Variants in CCDC91 observed in about 807,000 individuals in gnomAD.
CCDC91 encodes coiled-coil domain containing 91, also known as coiled-coil domain-containing protein 91.
A neutral mutation model predicts 63.2 loss-of-function variants in CCDC91; 48 were observed. That is an observed-to-expected ratio of 0.76 (90% CI 0.60 to 0.97). CCDC91 has a LOEUF of 0.97. Among genes scored for constraint, CCDC91 ranks in the 50% least tolerant of loss-of-function variants. The pLI is 0.00. For synonymous variants in CCDC91, 167 were observed against 165.8 expected (o/e 1.01, Z -0.06); for missense variants, 500 against 494.6 (o/e 1.01, Z -0.10).
chr12:28,447,477 A>G (rs1949558937), intron 8 of CCDC91, among the ~76,000 whole-genome samples: 1 of 151,530 alleles, frequency 6.6e-6, no homozygotes, highest in Non-Finnish European at 1.5e-5. Flanking sequence ...ATCAAAATAC[A>G]TTGTATTGAA....
intron 8 of CCDC91, among the ~76,000 whole-genome samples, chr12:28,393,389 T>C (rs537652118): frequency 5.3e-4 from 81 of 152,152 alleles, no homozygotes; most frequent in African/African-American, 1.9e-3. Context: ...ATTTTTTTTT[T>C]TTTTACTAGC....
At chr12:28,202,795 A>G (rs1413853399) in intron 1 of CCDC91, among the ~76,000 whole-genome samples, 2 of 152,240 alleles carry the variant, frequency 1.3e-5, no homozygotes, top group Non-Finnish European at 2.9e-5. Context: ...GATCTTATCA[A>G]AATCCCCTAT....
At position 28,390,710 on chromosome 12, in the gene CCDC91, CT is replaced by C. The variant is rs150763069; in HGVS notation, c.655-592del. On this transcript the variant is annotated intron_variant, in intron 7 of 12. Coordinates refer to ENST00000536442, the MANE Select transcript of CCDC91 (RefSeq NM_018318.5). ...TTTTTATGCGTACTGCCTTGAGACT[CT>C]TGACTTACCTACTTTGACTTATACC... Among the ~76,000 whole-genome samples, 1,402 of 152,174 alleles carry C rather than the reference CT, an allele frequency of 9.2e-3. 26 individuals are homozygous for C. The highest frequency in any genetic ancestry group is 0.032 in the African/African-American group (1,332 of 41,530).
At position 28,303,545 on chromosome 12, in the gene CCDC91, A is replaced by G. The variant is rs527334257; in HGVS notation, c.110-2104A>G. Among the ~76,000 whole-genome samples, 188 of 152,288 alleles carry G rather than the reference A, an allele frequency of 1.2e-3. 1 individual carries two copies. Among genetic ancestry groups the G allele is most frequent in the African/African-American group, 4.4e-3 (184 of 41,564 alleles). ...ATAAATATGAGTAACATAAATAAATATTAAAATAGGTGTTAGATCAGAATG... is the reference window on the plus strand; with the variant it reads ...ATAAATATGAGTAACATAAATAAATGTTAAAATAGGTGTTAGATCAGAATG... On this transcript the variant is annotated intron_variant, in intron 3 of 12. Transcript: ENST00000536442.
intron 8 of CCDC91, among the ~76,000 whole-genome samples, chr12:28,416,874 A>G (rs1041865788): frequency 2.0e-5 from 3 of 152,190 alleles, no homozygotes; most frequent in African/African-American, 7.2e-5. Context: ...ATGTAGTATT[A>G]TGTATATGAA....
At chr12:28,255,747 A>AT (rs1946402949) in intron 1 of CCDC91, 1 of 152,064 alleles carries the variant, frequency 6.6e-6, no homozygotes, top group Non-Finnish European at 1.5e-5. Context: ...CTAAATATAT[A>AT]TTTTTTAGTG....
chr12:28,432,324 G>A (rs576593966), intron 8 of CCDC91, among the ~76,000 whole-genome samples: 1 of 152,176 alleles, frequency 6.6e-6, no homozygotes, highest in East Asian at 1.9e-4. Flanking sequence ...TGTTGAGGGA[G>A]GGACCTGATC....
At chr12:28,545,470 A>G (rs980962936) in intron 12 of CCDC91, among the ~76,000 whole-genome samples, 9 of 152,212 alleles carry the variant, frequency 5.9e-5, no homozygotes, top group East Asian at 3.9e-4. Context: ...TCTATGTACT[A>G]TGCCCAAGAA....
chr12:28,305,683 G>A lies in CCDC91; in HGVS notation c.144G>A (p.Glu48=). The change falls in exon 4 of 13, where the codon GAG becomes GAA. Residue 48 remains glutamate, a synonymous_variant. Transcript: ENST00000536442. ...SGVHLSPSSP[E]IVLDRDHSSS... ...TCCATCTTTCACCATCTTCTCCTGA[G>A]ATTGTACTGGACCGTGACCACTCTT... 1 of 1,612,642 alleles carries A rather than the reference G, an allele frequency of 6.2e-7. No individual in the cohort carries two copies.
At chr12:28,379,454 A>C (rs1396758249) in intron 7 of CCDC91, among the ~76,000 whole-genome samples, 3 of 141,618 alleles carry the variant, frequency 2.1e-5, no homozygotes, top group Admixed American at 1.4e-4. Flanking sequence ...CAAATTTACA[A>C]AAAAAAAAAA....
intron 11 of CCDC91, among the ~76,000 whole-genome samples, chr12:28,471,230 A>G (rs964625236): frequency 6.6e-6 from 1 of 152,234 alleles, no homozygotes; most frequent in Non-Finnish European, 1.5e-5. Flanking sequence ...TGTGCAAATT[A>G]TGAAGACTCA....
intron 3 of CCDC91, 23 bp downstream of exon 3, chr12:28,259,465 GTT>G (rs79131127): frequency 1.5e-3 from 1,725 of 1,137,710 alleles, no homozygotes; most frequent in East Asian, 2.8e-3. Flanking sequence ...AGGAATTAGG[GTT>G]TTTTTTTTTT....
At chr12:28,201,572 C>T (rs34675139) in intron 1 of CCDC91, among the ~76,000 whole-genome samples, 5 of 145,284 alleles carry the variant, frequency 3.4e-5, no homozygotes, top group South Asian at 2.2e-4. Flanking sequence ...GGGCTCCTCA[C>T]GTCCCAGGCG....
At position 28,388,649 on chromosome 12, in the gene CCDC91, A is replaced by G. The variant is rs1467427075; in HGVS notation, c.655-2655A>G. On this transcript the variant is annotated intron_variant, in intron 7 of 12. Coordinates refer to ENST00000536442, the MANE Select transcript of CCDC91 (RefSeq NM_018318.5). ...ATACATCCCATGCTCGTGGAAGGGT[A>G]GAATCAATATTGTGAAAATGACCAT... 3.3e-5 allele frequency among the ~76,000 whole-genome samples: 5 copies of G among 152,222 alleles called. 1 individual carries two copies. The East Asian group carries it at 9.6e-4, about 29-fold the overall frequency.
intron 1 of CCDC91, among the ~76,000 whole-genome samples, chr12:28,209,861 C>G (rs1943109974): frequency 6.6e-6 from 1 of 152,206 alleles, no homozygotes; most frequent in African/African-American, 2.4e-5. Context: ...TACCAAAACA[C>G]ATTTCATTCT....
intron 7 of CCDC91, among the ~76,000 whole-genome samples, chr12:28,369,258 G>A (rs1944460536): frequency 6.6e-6 from 1 of 152,150 alleles, no homozygotes; most frequent in Non-Finnish European, 1.5e-5. Context: ...ATTGGTAAAT[G>A]CTCCCATTCA....
intron 12 of CCDC91, among the ~76,000 whole-genome samples, chr12:28,503,564 A>G (rs11613982): frequency 0.21 from 31,657 of 152,022 alleles, 4,317 homozygotes; most frequent in Non-Finnish European, 0.31. Flanking sequence ...TTACCATTTG[A>G]CCCAGCAATC....
At chr12:28,266,087 G>A (rs1266944223) in intron 3 of CCDC91, among the ~76,000 whole-genome samples, 7 of 151,888 alleles carry the variant, frequency 4.6e-5, no homozygotes, top group Non-Finnish European at 7.4e-5. Flanking sequence ...TAAAAATGAC[G>A]CCTAAAATGA....
chr12:28,418,378 CTG>C (rs545464994), intron 8 of CCDC91, among the ~76,000 whole-genome samples: 4 of 152,020 alleles, frequency 2.6e-5, no homozygotes, highest in Non-Finnish European at 1.5e-5. Flanking sequence ...AGACAAAAAA[CTG>C]TTTTAATTAT....
Sources: allele counts gnomAD v4.1 joint callset (sites outside exome capture counted in the v4.1 genomes callset), GRCh38; gene constraint gnomAD v4.1.1; transcripts MANE v1.5; gene names NCBI Gene and HGNC (gene_info 2026-07-23, HGNC 2026-07-21).